ARFGEF3: variants seen among roughly 807,000 people sequenced by gnomAD.
ARFGEF3 encodes the protein ARFGEF family member 3.
ARFGEF3 carries 96 observed loss-of-function variants against 221.7 expected under a neutral mutation model. That is an observed-to-expected ratio of 0.43 (90% CI 0.37 to 0.51). ARFGEF3 has a LOEUF of 0.51. Ranked by LOEUF, ARFGEF3 falls within the 20% of genes least tolerant of loss-of-function variation. The probability of loss-of-function intolerance (pLI) is 0.00; values close to 1 mark genes in which losing one functional copy is unlikely to be tolerated. For missense variants in ARFGEF3, 2,410 were observed against 2,789.9 expected (o/e 0.86, Z 3.07); for synonymous variants, 1,145 against 1,126.8 (o/e 1.02, Z -0.32).
intron 25 of ARFGEF3, among the ~76,000 whole-genome samples, chr6:138,312,538 C>A (rs1779848474): frequency 6.6e-6 from 1 of 152,118 alleles, no homozygotes; most frequent in Admixed American, 6.5e-5. Flanking sequence ...TGAGCTTCTG[C>A]CCTCCCGGAA....
chr6:138,294,188 A>G (rs758087071), intron 20 of ARFGEF3, 62 bp downstream of exon 20: 9 of 1,550,926 alleles, frequency 5.8e-6, no homozygotes, highest in South Asian at 2.3e-5. Flanking sequence ...CCAGGCCTCT[A>G]TCACCAGCAG....
intron 2 of ARFGEF3, among the ~76,000 whole-genome samples, chr6:138,193,353 A>G (rs1417785312): frequency 2.0e-5 from 3 of 152,110 alleles, no homozygotes; most frequent in African/African-American, 4.8e-5. Flanking sequence ...TTATACTTCT[A>G]TAGTTGGTTG....
At chr6:138,321,253 C>A in intron 29 of ARFGEF3, 28 bp downstream of exon 29, 1 of 1,200,412 alleles carries the variant, frequency 8.3e-7, no homozygotes, top group Non-Finnish European at 1.2e-6. Flanking sequence ...TGACTCTCCA[C>A]AAAGCTGGAG....
In ARFGEF3 at chr6:138,342,659, A is replaced by T. The variant is rs1265348840; in HGVS notation, c.*6173A>T. 6.6e-6 allele frequency: 1 copy of T among 152,132 alleles called. No individual in the cohort carries two copies. Among genetic ancestry groups the T allele is most frequent in the South Asian group, 2.1e-4 (1 of 4,834 alleles). 9.4% of individuals were successfully genotyped at this position (152,132 alleles called of 1,614,324 possible). Reference sequence around the variant, plus strand: ...TGTAGTGTTTGAATTTCTTCCATCCATGTCGTTTTAATGAGATGTTTCCAT... The same window carrying T: ...TGTAGTGTTTGAATTTCTTCCATCCTTGTCGTTTTAATGAGATGTTTCCAT... On this transcript the variant is annotated 3_prime_UTR_variant, in exon 34 of 34. Coordinates refer to ENST00000251691, the MANE Select transcript of ARFGEF3 (RefSeq NM_020340.5).
In ARFGEF3 at chr6:138,265,767, T is replaced by C. The variant is rs150037840; in HGVS notation, c.2128+2156T>C. On this transcript the variant is annotated intron_variant, in intron 12 of 33. Coordinates refer to ENST00000251691, the MANE Select transcript of ARFGEF3 (RefSeq NM_020340.5). ...TTATTCTCAATAAATATTTATTGAT[T>C]GTAAATTGATGAAGTTGTACTTCGG... 6.6e-3 allele frequency among the ~76,000 whole-genome samples: 1,003 copies of C among 152,280 alleles called. 9 individuals carry two copies. The highest frequency in any genetic ancestry group is 0.022 in the African/African-American group (926 of 41,554).
Position 138,343,097 on chromosome 6 carries a change from A to AG in ARFGEF3, c.*6616dup, listed in dbSNP as rs564860989. ...AGTGAAATCATGTTAACTCATATAG[A>AG]GGGGGCCTTAGTTTATCTCTTCTTT... On this transcript the variant is annotated 3_prime_UTR_variant, in exon 34 of 34. Coordinates refer to ENST00000251691, the MANE Select transcript of ARFGEF3 (RefSeq NM_020340.5). 8.5e-5 allele frequency: 13 copies of AG among 152,172 alleles called. No individual in the cohort carries two copies. Among genetic ancestry groups the AG allele is most frequent in the Non-Finnish European group, 1.6e-4 (11 of 68,024 alleles). 9.4% of individuals were successfully genotyped at this position (152,172 alleles called of 1,614,324 possible).
At chr6:138,182,838 G>C (rs1000132014) in intron 2 of ARFGEF3, among the ~76,000 whole-genome samples, 6 of 152,126 alleles carry the variant, frequency 3.9e-5, no homozygotes, top group African/African-American at 1.4e-4. Flanking sequence ...TTAGGATAGG[G>C]CTCATTTTTA....
chr6:138,177,594 C>T lies in ARFGEF3; in HGVS notation c.137+6881C>T, dbSNP rs1776979779. Among the ~76,000 whole-genome samples, 7 of 152,126 alleles carry T rather than the reference C, an allele frequency of 4.6e-5. 1 individual carries two copies. In the South Asian group the frequency reaches 1.2e-3, roughly 27 times the overall value. On this transcript the variant is annotated intron_variant, in intron 2 of 33. Transcript: ENST00000251691. ...AAGAGATCTTTGGTCTTTCTCTTCC[C>T]TCAGGAATACTGATAATTTGTAAGT...
chr6:138,259,940 AC>A (rs1778756383), intron 10 of ARFGEF3, among the ~76,000 whole-genome samples: 1 of 152,160 alleles, frequency 6.6e-6, no homozygotes, highest in African/African-American at 2.4e-5. Context: ...CGAATTTATT[AC>A]CAGTGAATAT....
intron 4 of ARFGEF3, among the ~76,000 whole-genome samples, chr6:138,219,308 G>A (rs1004881953): frequency 3.9e-5 from 6 of 152,238 alleles, no homozygotes; most frequent in African/African-American, 1.4e-4. Flanking sequence ...GAGGGATAGT[G>A]GACGATGAGC....
At chr6:138,307,461 T>TAAAA in intron 23 of ARFGEF3, 64 bp downstream of exon 23, 1 of 1,247,120 alleles carries the variant, frequency 8.0e-7, no homozygotes, top group South Asian at 1.5e-5. Context: ...TTCATGCTAT[T>TAAAA]AAAAAAAAAA....
chr6:138,230,043 T>C (rs1197346854), intron 5 of ARFGEF3, among the ~76,000 whole-genome samples, 191 bp downstream of exon 5: 1 of 152,146 alleles, frequency 6.6e-6, no homozygotes, highest in Non-Finnish European at 1.5e-5. Flanking sequence ...TGTAATGCCA[T>C]GTGTCTCAGA....
At chr6:138,294,432 A>G (rs1779470321) in intron 20 of ARFGEF3, among the ~76,000 whole-genome samples, 2 of 152,234 alleles carry the variant, frequency 1.3e-5, no homozygotes, top group African/African-American at 4.8e-5. Context: ...GGGTGCAGAT[A>G]GCTTCCTTCA....
At chr6:138,281,369 C>G (rs975130037) in intron 14 of ARFGEF3, among the ~76,000 whole-genome samples, 1 of 152,130 alleles carries the variant, frequency 6.6e-6, no homozygotes, top group African/African-American at 2.4e-5. Context: ...GGTTTGTTAC[C>G]TGGGCATATT....
intron 5 of ARFGEF3, among the ~76,000 whole-genome samples, chr6:138,233,124 T>G (rs553383469): frequency 1.3e-5 from 2 of 152,324 alleles, no homozygotes; most frequent in South Asian, 4.1e-4. Flanking sequence ...TGACCATAGA[T>G]TCAAGTGGCC....
chr6:138,230,165 C>T (rs6570217), intron 5 of ARFGEF3, among the ~76,000 whole-genome samples: 34,731 of 151,996 alleles, frequency 0.23, 6,555 homozygotes, highest in African/African-American at 0.51. Flanking sequence ...CTAATTTGCC[C>T]ACAATTCATT....
intron 14 of ARFGEF3, among the ~76,000 whole-genome samples, chr6:138,281,140 T>TA (rs1293976436): frequency 6.6e-6 from 1 of 151,892 alleles, no homozygotes; most frequent in East Asian, 1.9e-4. Flanking sequence ...GATCCTTGAG[T>TA]AAAGGATCAG....
chr6:138,292,079 C>T, intron 19 of ARFGEF3, 26 bp downstream of exon 19: 1 of 1,382,524 alleles, frequency 7.2e-7, no homozygotes, highest in Non-Finnish European at 9.3e-7. Flanking sequence ...CTCCCACGCC[C>T]CGGGAGCCTG....
At chr6:138,218,391 C>T (rs1777915566) in intron 4 of ARFGEF3, 1 of 1,534,930 alleles carries the variant, frequency 6.5e-7, no homozygotes, top group Non-Finnish European at 8.8e-7. Flanking sequence ...TAAGAAGGCC[C>T]TCATATTTAC....
Sources: allele counts gnomAD v4.1 joint callset (sites outside exome capture counted in the v4.1 genomes callset), GRCh38; gene constraint gnomAD v4.1.1; transcripts MANE v1.5; gene names NCBI Gene and HGNC (gene_info 2026-07-23, HGNC 2026-07-21).